TCF4: variants seen among roughly 807,000 people sequenced by gnomAD.
TCF4 encodes the protein transcription factor 4.
In TCF4, 3 loss-of-function variants were observed where a neutral mutation model predicts 82.1. The observed-to-expected ratio is 0.04, with a 90% CI of 0.02 to 0.09. TCF4 has a LOEUF of 0.09. Among genes scored for constraint, TCF4 ranks in the 10% least tolerant of loss-of-function variants. The pLI, the probability that TCF4 is intolerant of heterozygous loss-of-function variation, is 1.00. For synonymous variants in TCF4, 276 were observed against 309.6 expected, an observed-to-expected ratio of 0.89 and a Z score of 1.14; for missense variants, 518 against 852.7, an observed-to-expected ratio of 0.61 and a Z score of 4.89.
chr18:55,443,411 T>C (rs1246564159), intron 5 of TCF4, among the ~76,000 whole-genome samples: 1 of 152,206 alleles, frequency 6.6e-6, no homozygotes, highest in Admixed American at 6.5e-5. Flanking sequence ...CTATCATTAG[T>C]GTTAACCCGA....
intron 15 of TCF4, among the ~76,000 whole-genome samples, chr18:55,249,845 T>C (rs933862396): frequency 6.6e-6 from 1 of 152,192 alleles, no homozygotes; most frequent in Non-Finnish European, 1.5e-5. Flanking sequence ...ACAAGTTTGA[T>C]GTGGGTTTTG....
intron 3 of TCF4, among the ~76,000 whole-genome samples, chr18:55,578,060 C>A (rs1237111320): frequency 6.6e-6 from 1 of 152,074 alleles, no homozygotes; most frequent in South Asian, 2.1e-4. Context: ...AGCACCAGAT[C>A]CCCCAAGATT....
chr18:55,623,896 G>A (rs2097724017), intron 2 of TCF4, among the ~76,000 whole-genome samples: 1 of 152,100 alleles, frequency 6.6e-6, no homozygotes, highest in Non-Finnish European at 1.5e-5. Context: ...TTATGAGAGA[G>A]ATTTTAAACA....
chr18:55,402,114 T>G (rs932867808), intron 6 of TCF4: 23 of 985,330 alleles, frequency 2.3e-5, no homozygotes, highest in Non-Finnish European at 2.8e-5. Flanking sequence ...GCAGAATTCT[T>G]TCCAAACAAA....
At chr18:55,631,273 A>G in intron 2 of TCF4, 4 of 1,097,722 alleles carry the variant, frequency 3.6e-6, no homozygotes, top group Non-Finnish European at 5.4e-6. Flanking sequence ...TGTCTTGAAC[A>G]CCTGACCTCA....
chr18:55,429,764 CAAAAAAAAAAAAAA>C (rs35255242), intron 5 of TCF4, among the ~76,000 whole-genome samples: 1 of 57,172 alleles, frequency 1.7e-5, no homozygotes, highest in South Asian at 1.3e-3. Context: ...GACTCCATCT[CAAAAAAAAAAAAAA>C]AAAAAAAAAA....
At chr18:55,242,363 T>C (rs1271440936) in intron 15 of TCF4, among the ~76,000 whole-genome samples, 2 of 150,644 alleles carry the variant, frequency 1.3e-5, no homozygotes, top group Non-Finnish European at 3.0e-5. Context: ...CACAGGTCAC[T>C]GCACGGGAGT....
intron 15 of TCF4, among the ~76,000 whole-genome samples, chr18:55,248,349 T>C (rs2053950956): frequency 6.6e-6 from 1 of 152,234 alleles, no homozygotes; most frequent in Non-Finnish European, 1.5e-5. Context: ...ACAGGCTATT[T>C]AGAAAATAGT....
chr18:55,362,338 AGAG>A (rs1447374049), intron 6 of TCF4, among the ~76,000 whole-genome samples: 1 of 98,570 alleles, frequency 1.0e-5, no homozygotes, highest in African/African-American at 4.5e-5. Flanking sequence ...CAAAAAAAAA[AGAG>A]GAAGGAAGGA....
At chr18:55,533,882 A>C (rs1390247794) in intron 3 of TCF4, among the ~76,000 whole-genome samples, 1 of 152,124 alleles carries the variant, frequency 6.6e-6, no homozygotes, top group Non-Finnish European at 1.5e-5. Flanking sequence ...TTTTAAGAAA[A>C]TACTTACTGA....
chr18:55,263,175 T>C (rs1443801759), intron 11 of TCF4, among the ~76,000 whole-genome samples: 2 of 152,112 alleles, frequency 1.3e-5, no homozygotes, highest in Non-Finnish European at 1.5e-5. Context: ...ATTGCTAAAA[T>C]ACTGAAAGAA....
intron 6 of TCF4, among the ~76,000 whole-genome samples, chr18:55,391,562 G>A (rs148123564): frequency 5.9e-5 from 9 of 151,992 alleles, no homozygotes; most frequent in Non-Finnish European, 1.0e-4. Context: ...AGAGTGAGCA[G>A]AGTCTCCTGG....
intron 2 of TCF4, among the ~76,000 whole-genome samples, chr18:55,622,538 T>C (rs1161266353): frequency 6.6e-6 from 1 of 151,830 alleles, no homozygotes; most frequent in Non-Finnish European, 1.5e-5. Flanking sequence ...AACTGCTTTG[T>C]TTAGTTTATC....
chr18:55,365,878 G>A (rs1381269177), intron 6 of TCF4, among the ~76,000 whole-genome samples: 1 of 151,964 alleles, frequency 6.6e-6, no homozygotes, highest in Non-Finnish European at 1.5e-5. Context: ...GACAACAAGA[G>A]CAAAACTCCA....
chr18:55,552,976 C>T (rs889789978), intron 3 of TCF4, among the ~76,000 whole-genome samples: 7 of 152,122 alleles, frequency 4.6e-5, no homozygotes, highest in Admixed American at 3.3e-4. Context: ...TTTGCACTTG[C>T]GTACATTATA....
At chr18:55,277,576 T>C (rs900451534) in intron 9 of TCF4, among the ~76,000 whole-genome samples, 2 of 151,382 alleles carry the variant, frequency 1.3e-5, no homozygotes, top group African/African-American at 2.4e-5. Flanking sequence ...TGCAAATTAA[T>C]TGTGCTCATC....
intron 5 of TCF4, among the ~76,000 whole-genome samples, chr18:55,431,577 G>A (rs903506252): frequency 3.3e-5 from 5 of 152,178 alleles, no homozygotes; most frequent in Non-Finnish European, 7.4e-5. Context: ...ACCGTGGCCG[G>A]CCTCCACTTT....
intron 8 of TCF4, among the ~76,000 whole-genome samples, chr18:55,308,143 T>C (rs2070994885): frequency 6.6e-6 from 1 of 152,250 alleles, no homozygotes. Context: ...TAAGTACTAC[T>C]TAAGTGACAC....
In TCF4 at chr18:55,223,900, T is replaced by C. The variant is rs577229876; in HGVS notation, c.*4135A>G. The C allele has an allele frequency of 2.0e-5, 3 of 152,370 alleles. No homozygotes were observed. Among genetic ancestry groups the C allele is most frequent in the East Asian group, 3.9e-4 (2 of 5,186 alleles). The allele number at this position is 152,370 out of a possible 1,614,324, so 9.4% of individuals were successfully genotyped here. On this transcript the variant is annotated 3_prime_UTR_variant, in exon 20 of 20. Coordinates refer to ENST00000354452, the MANE Select transcript of TCF4 (RefSeq NM_001083962.2). ...TGGTAAAATAACATCTTTTAAATAG[T>C]AAAATAAAGTAACAAACTTTTACTC...
Sources: gnomAD v4.1 joint callset for allele counts (sites outside exome capture counted in the v4.1 genomes callset) on GRCh38, gnomAD v4.1.1 for gene constraint, MANE v1.5 for transcripts, NCBI Gene and HGNC (gene_info 2026-07-23, HGNC 2026-07-21) for gene names.